Variants in ANO2 observed in about 807,000 individuals in gnomAD.
The protein encoded by ANO2 is anoctamin 2.
A neutral mutation model predicts 124.2 loss-of-function variants in ANO2; 101 were observed. That is an observed-to-expected ratio of 0.81 (90% confidence interval 0.69 to 0.96). The LOEUF is 0.96. ANO2 is among the 40% of genes least tolerant of loss of function. ANO2 has a pLI of 0.00. For synonymous variants in ANO2, 486 were observed against 482.5 expected (o/e 1.01, Z -0.09); for missense variants, 1,293 against 1,274.5 (o/e 1.01, Z -0.22).
intron 14 of ANO2, among the ~76,000 whole-genome samples, chr12:5,688,410 A>G (rs1948791923): frequency 6.6e-6 from 1 of 152,194 alleles, no homozygotes. Context: ...GGCTTTCTTA[A>G]TTAATCCAAA....
chr12:5,806,179 C>G, intron 8 of ANO2, 86 bp from the exon 9 acceptor site: 1 of 1,366,312 alleles, frequency 7.3e-7, no homozygotes, highest in Non-Finnish European at 1.0e-6. Context: ...TTTTTATTTT[C>G]TAATATCATT....
chr12:5,726,350 G>C (rs1414422257), intron 14 of ANO2, among the ~76,000 whole-genome samples: 1 of 152,196 alleles, frequency 6.6e-6, no homozygotes, highest in African/African-American at 2.4e-5. Context: ...CTAATGTGGG[G>C]TAGCGAATTT....
chr12:5,613,903 G>T (rs1334172859), intron 17 of ANO2, among the ~76,000 whole-genome samples: 1 of 152,176 alleles, frequency 6.6e-6, no homozygotes, highest in Non-Finnish European at 1.5e-5. Flanking sequence ...AAGCACCAAT[G>T]AAGTGTATAC....
At position 5,584,157 on chromosome 12, in the gene ANO2, A is replaced by G. The variant is rs139521450; in HGVS notation, c.2234-5639T>C. The stretch of plus-strand genomic sequence containing the variant: ...CCCCCCCCCCGCCGCAAGAATATTA[A>G]TGTTGATCATGTCAACAGACTGGCA... On this transcript the variant is annotated intron_variant, in intron 20 of 24. Transcript: ENST00000682330. The G allele has an allele frequency of 2.5e-3, 408 of 166,048 alleles. 3 individuals are homozygous for G. Among genetic ancestry groups the G allele is most frequent in the African/African-American group, 9.8e-3 (374 of 38,072 alleles). The allele number at this position is 166,048 out of a possible 1,614,324, so 10.3% of individuals were successfully genotyped here. A position where few individuals can be genotyped will look rare whatever the true frequency, so the allele number is the denominator to read the frequency against.
Position 5,658,359 on chromosome 12 carries a change from A to G in ANO2, c.1546-10558T>C, listed in dbSNP as rs1434306098. 6.8e-6 allele frequency among the ~76,000 whole-genome samples: 1 copy of G among 146,628 alleles called. No individual in the cohort carries two copies. Among genetic ancestry groups the G allele is most frequent in the Non-Finnish European group, 1.5e-5 (1 of 66,788 alleles). On this transcript the variant is annotated intron_variant, in intron 14 of 24. Coordinates refer to ENST00000682330, the MANE Select transcript of ANO2 (RefSeq NM_001364791.2). The surrounding 1 kb of genome is among the most constrained non-coding windows in gnomAD (Gnocchi z 4.3). Reference sequence around the variant, plus strand: ...CCCTGGCACATAGTTAGAACCCAATACTTGTTGCCTATCATCATCATCATC... The same window carrying G: ...CCCTGGCACATAGTTAGAACCCAATGCTTGTTGCCTATCATCATCATCATC...
In ANO2 at chr12:5,580,440, C is replaced by A. The variant is rs114256592; in HGVS notation, c.2234-1922G>T. On this transcript the variant is annotated intron_variant, in intron 20 of 24. Coordinates refer to ENST00000682330, the MANE Select transcript of ANO2 (RefSeq NM_001364791.2). ...GTTTAAGCACTGAATGAGAGAGACCCGACTTCTAGACCTGGATATGCTTCT... is the reference window on the plus strand; with the variant it reads ...GTTTAAGCACTGAATGAGAGAGACCAGACTTCTAGACCTGGATATGCTTCT... Among the ~76,000 whole-genome samples the A allele has an allele frequency of 1.4e-3, 216 of 152,214 alleles. 2 individuals carry two copies. Among genetic ancestry groups the A allele is most frequent in the African/African-American group, 4.8e-3 (201 of 41,516 alleles).
intron 14 of ANO2, among the ~76,000 whole-genome samples, chr12:5,719,921 C>T (rs981797852): frequency 9.9e-5 from 15 of 152,202 alleles, no homozygotes; most frequent in African/African-American, 3.4e-4. Context: ...CACTCCACTA[C>T]TGGAGAGTCT....
At position 5,635,616 on chromosome 12, in the gene ANO2, C is replaced by CACACAT. The variant is rs1555111125; in HGVS notation, c.1621-270_1621-269insATGTGT. 1.3e-5 allele frequency among the ~76,000 whole-genome samples: 2 copies of CACACAT among 151,768 alleles called. No homozygotes were observed. The highest frequency in any genetic ancestry group is 2.9e-5 in the Non-Finnish European group (2 of 67,946). Reference sequence around the variant, plus strand: ...ATGATTTATCACACACACACACACACACACACACACACAATAAGGATGAAC... The same window carrying CACACAT: ...ATGATTTATCACACACACACACACACACACATACACACACACACAATAAGGATGAAC... On this transcript the variant is annotated intron_variant, in intron 15 of 24. Transcript: ENST00000682330. This position sits in a 1 kb window ranked among gnomAD's most constrained non-coding sequence, Gnocchi z 5.2.
At chr12:5,682,035 T>C (rs1230789968) in intron 14 of ANO2, among the ~76,000 whole-genome samples, 1 of 152,204 alleles carries the variant, frequency 6.6e-6, no homozygotes, top group Non-Finnish European at 1.5e-5. Context: ...TTCTTCTCTT[T>C]AATCAAGTTT....
At chr12:5,828,496 T>C (rs1167530215) in intron 6 of ANO2, among the ~76,000 whole-genome samples, 1 of 152,140 alleles carries the variant, frequency 6.6e-6, no homozygotes, top group African/African-American at 2.4e-5. Context: ...TGTCTTTATT[T>C]CTCTGGTTTT....
intron 23 of ANO2, 127 bp from the exon 24 acceptor site, chr12:5,565,790 G>A (rs1457995092): frequency 4.2e-6 from 3 of 709,368 alleles, no homozygotes; most frequent in African/African-American, 3.6e-5. Context: ...GACTTGAGAA[G>A]CAGGGGGAAG....
chr12:5,670,645 C>T (rs1050439689), intron 14 of ANO2, among the ~76,000 whole-genome samples: 4 of 152,094 alleles, frequency 2.6e-5, no homozygotes, highest in Non-Finnish European at 5.9e-5. Flanking sequence ...GTTAATCCTC[C>T]CACCACACCC....
intron 4 of ANO2, among the ~76,000 whole-genome samples, chr12:5,833,059 G>C (rs1954205671): frequency 2.0e-5 from 3 of 152,186 alleles, no homozygotes; most frequent in African/African-American, 7.2e-5. Context: ...GACAGAGCTT[G>C]GATTTAACTC....
rs1565768485 is a variant in ANO2, at chr12:5,906,824, T to TAAATA, written c.534+14215_534+14216insTATTT. Among the ~76,000 whole-genome samples the TAAATA allele has an allele frequency of 2.2e-3, 329 of 149,602 alleles. 2 individuals carry two copies. The highest frequency in any genetic ancestry group is 7.8e-3 in the African/African-American group (315 of 40,262). ...AAATAAATAAATAAATAAATAAAAATAAAATAAATAGAAATAAAAATAAAT... is the reference window on the plus strand; with the variant it reads ...AAATAAATAAATAAATAAATAAAAATAAATAAAAATAAATAGAAATAAAAATAAAT... On this transcript the variant is annotated intron_variant, in intron 3 of 24. Transcript: ENST00000682330.
chr12:5,613,060 G>T, intron 17 of ANO2, 102 bp from the exon 18 acceptor site: 2 of 1,163,396 alleles, frequency 1.7e-6, no homozygotes, highest in African/African-American at 1.5e-5. Flanking sequence ...TGTCCTCTTC[G>T]AAAGCACTGG....
chr12:5,568,889 T>G (rs1404935574), intron 23 of ANO2, among the ~76,000 whole-genome samples: 2 of 152,234 alleles, frequency 1.3e-5, no homozygotes, highest in Admixed American at 1.3e-4. Context: ...GCCTGAACTT[T>G]CCATCACAGA....
At chr12:5,643,063 T>TAC (rs67252256) in intron 15 of ANO2, among the ~76,000 whole-genome samples, 33,316 of 149,938 alleles carry the variant, frequency 0.22, 3,656 homozygotes, top group Middle Eastern at 0.26. Flanking sequence ...AAATCCATTT[T>TAC]ACACACACAC....
intron 3 of ANO2, among the ~76,000 whole-genome samples, chr12:5,907,684 C>T (rs1270142192): frequency 6.6e-6 from 1 of 152,134 alleles, no homozygotes; most frequent in East Asian, 1.9e-4. Context: ...GTGGGAGAGC[C>T]AACTTTGGCT....
chr12:5,863,732 A>G (rs558735061), intron 3 of ANO2, among the ~76,000 whole-genome samples: 67 of 152,328 alleles, frequency 4.4e-4, no homozygotes, highest in African/African-American at 1.5e-3. Flanking sequence ...TTATACCTCA[A>G]AAAGGCTAGA....
Sources: allele counts gnomAD v4.1 joint callset (sites outside exome capture counted in the v4.1 genomes callset), GRCh38; gene constraint gnomAD v4.1.1; non-coding constraint Gnocchi (gnomAD v3.1); transcripts MANE v1.5; gene names NCBI Gene and HGNC (gene_info 2026-07-23, HGNC 2026-07-21).